The following ZNF366 variants were observed in gnomAD, a reference collection of about 807,000 sequenced individuals.
The protein encoded by ZNF366 is zinc finger protein 366.
Under a neutral mutation model 47.2 loss-of-function variants are expected in ZNF366, and 20 were observed. That is an observed-to-expected ratio of 0.42 (90% CI 0.30 to 0.62). The LOEUF is 0.62. Ranked by LOEUF, ZNF366 falls within the 20% of genes least tolerant of loss-of-function variation. The probability of loss-of-function intolerance (pLI) is 0.16; values close to 1 mark genes in which losing one functional copy is unlikely to be tolerated. For missense variants in ZNF366, 987 were observed against 976.3 expected (o/e 1.01, Z -0.15); for synonymous variants, 421 against 395.1 (o/e 1.07, Z -0.78).
Position 72,444,054 on chromosome 5 carries a change from T to A in ZNF366, c.1937A>T (p.Glu646Val), listed in dbSNP as rs759529151. 3 of 1,614,160 alleles carry A rather than the reference T, an allele frequency of 1.9e-6. No homozygotes were observed. The South Asian group carries it at 3.3e-5, about 18-fold the overall frequency. Residue 646 changes from glutamate to valine, a missense_variant, in exon 5 of 5, where the codon GAG becomes GTG. Glu to Val is a moderately radical substitution (Grantham distance 121, BLOSUM62 -2). Around this residue, in one of 3 missense-constraint regions of ZNF366, gnomAD observed 285 missense variants for 234.8 expected, o/e 1.21. Coordinates refer to ENST00000318442, the MANE Select transcript of ZNF366 (RefSeq NM_152625.3). ...APQSQQLCTPEDLSTKSEHAP... is the reference protein window; with the variant it reads ...APQSQQLCTPVDLSTKSEHAP... ...GTGCTCCGACTTGGTGGACAGATCC[T>A]CGGGTGTGCAGAGCTGCTGGCTCTG...
intron 1 of ZNF366, among the ~76,000 whole-genome samples, chr5:72,499,940 C>A (rs1744181436): frequency 6.6e-6 from 1 of 152,204 alleles, no homozygotes; most frequent in Admixed American, 6.5e-5. Context: ...TCGCTCTCTT[C>A]CGGCGCTGCT....
intron 1 of ZNF366, among the ~76,000 whole-genome samples, chr5:72,480,512 TTGATTC>T (rs1388657952): frequency 6.6e-6 from 1 of 152,158 alleles, no homozygotes; most frequent in East Asian, 1.9e-4. Flanking sequence ...GAGTAACAGG[TTGATTC>T]TGATTTATCA....
chr5:72,458,053 G>A (rs1227234988), intron 2 of ZNF366, among the ~76,000 whole-genome samples: 1 of 107,016 alleles, frequency 9.3e-6, no homozygotes, highest in Non-Finnish European at 1.7e-5. Context: ...ATCTCACTCT[G>A]TTGCCCAGGC....
intron 1 of ZNF366, among the ~76,000 whole-genome samples, chr5:72,469,830 G>T (rs1166052057): frequency 6.6e-6 from 1 of 152,176 alleles, no homozygotes; most frequent in Non-Finnish European, 1.5e-5. Context: ...AGGATTGCTT[G>T]AGGCCAGGAG....
chr5:72,472,551 A>T (rs1308122266), intron 1 of ZNF366: 3 of 985,310 alleles, frequency 3.0e-6, no homozygotes, highest in Non-Finnish European at 3.6e-6. Context: ...CCTTCAATTA[A>T]CTGCATTAAG....
intron 1 of ZNF366, among the ~76,000 whole-genome samples, chr5:72,471,575 C>A (rs1017215037): frequency 6.6e-6 from 1 of 152,118 alleles, no homozygotes; most frequent in Admixed American, 6.6e-5. Context: ...ATGGAGGGGC[C>A]GTTCCCATCA....
At chr5:72,488,947 T>C (rs555022386) in intron 1 of ZNF366, among the ~76,000 whole-genome samples, 1 of 152,366 alleles carries the variant, frequency 6.6e-6, no homozygotes, top group South Asian at 2.1e-4. Flanking sequence ...AGCTCTTCTT[T>C]TGGGCACATG....
At chr5:72,477,108 T>A (rs1743689613) in intron 1 of ZNF366, among the ~76,000 whole-genome samples, 1 of 152,228 alleles carries the variant, frequency 6.6e-6, no homozygotes, top group South Asian at 2.1e-4. Context: ...AGGTTGGTTT[T>A]CTTTACAATA....
At chr5:72,455,441 A>G (rs553755696) in intron 3 of ZNF366, among the ~76,000 whole-genome samples, 45 of 152,314 alleles carry the variant, frequency 3.0e-4, no homozygotes, top group Middle Eastern at 3.4e-3. Context: ...CATTTCAAAC[A>G]GAAGGGCTGT....
intron 1 of ZNF366, among the ~76,000 whole-genome samples, chr5:72,474,290 G>A (rs1037145301): frequency 4.6e-5 from 7 of 152,166 alleles, no homozygotes; most frequent in African/African-American, 7.2e-5. Flanking sequence ...GCTCCTGCAC[G>A]GAGCTGGGGC....
intron 1 of ZNF366, among the ~76,000 whole-genome samples, 161 bp from the exon 2 acceptor site, chr5:72,461,671 T>A (rs1287325721): frequency 6.6e-6 from 1 of 152,218 alleles, no homozygotes; most frequent in Non-Finnish European, 1.5e-5. Context: ...ATCGCTTTTC[T>A]TTCTCCTTGC....
At chr5:72,503,700 A>G (rs1013253654) in intron 1 of ZNF366, among the ~76,000 whole-genome samples, 7 of 152,234 alleles carry the variant, frequency 4.6e-5, no homozygotes, top group African/African-American at 7.2e-5. Context: ...CTGACTCCCA[A>G]TCTGGTCTTT....
chr5:72,482,787 T>C (rs917331905), intron 1 of ZNF366, among the ~76,000 whole-genome samples: 5 of 149,514 alleles, frequency 3.3e-5, no homozygotes, highest in African/African-American at 1.2e-4. Context: ...TGTGTGTGAT[T>C]TTAAATTCTG....
intron 1 of ZNF366, among the ~76,000 whole-genome samples, chr5:72,502,351 T>TTAA (rs1319010167): frequency 6.6e-6 from 1 of 152,238 alleles, no homozygotes; most frequent in Admixed American, 6.5e-5. Flanking sequence ...AAGAACAGCC[T>TTAA]TCATTAGGCT....
In ZNF366 at chr5:72,443,770, G is replaced by A. The variant is rs1387474402; in HGVS notation, c.2221C>T (p.Leu741Phe). Residue 741 changes from leucine (L) to phenylalanine (F), a missense_variant, in exon 5 of 5, where the codon CTT (leucine) becomes TTT (phenylalanine). Leu to Phe is a conservative substitution (Grantham distance 22). Coordinates refer to ENST00000318442, the MANE Select transcript of ZNF366 (RefSeq NM_152625.3). ...LERKMEKQAV[L>F]LGI ...AAACTGTCCACTTAGATACCTAAAA[G>A]CACTGCTTGTTTTTCCATTTTCCTC... 1.9e-6 allele frequency: 3 copies of A among 1,613,006 alleles called. No homozygotes were observed. Among genetic ancestry groups the A allele is most frequent in the South Asian group, 1.1e-5 (1 of 91,018 alleles).
intron 3 of ZNF366, among the ~76,000 whole-genome samples, chr5:72,448,071 TATACAATGTATTATTATA>T (rs1742993433): frequency 6.6e-6 from 1 of 152,228 alleles, no homozygotes; most frequent in Non-Finnish European, 1.5e-5. Context: ...TGTATTCTTA[TATACAATGTATTATTATA>T]ATACACTGTA....
At chr5:72,483,200 C>A (rs2112345452) in intron 1 of ZNF366, among the ~76,000 whole-genome samples, 1 of 152,284 alleles carries the variant, frequency 6.6e-6, no homozygotes, top group South Asian at 2.1e-4. Context: ...TTGTCCTGTG[C>A]TCTCCATTTA....
At chr5:72,484,495 A>AAAAAAAAAAAAAAAATAATAAT (rs1313925109) in intron 1 of ZNF366, among the ~76,000 whole-genome samples, 1 of 145,822 alleles carries the variant, frequency 6.9e-6, no homozygotes, top group African/African-American at 2.6e-5. Flanking sequence ...AAAAAAAAAA[A>AAAAAAAAAAAAAAAATAATAAT]AATAATAATA....
At chr5:72,445,958 G>A (rs528096350) in intron 4 of ZNF366, among the ~76,000 whole-genome samples, 19 of 152,268 alleles carry the variant, frequency 1.2e-4, no homozygotes, top group South Asian at 2.1e-4. Flanking sequence ...GAAACTCAGC[G>A]GGTACTGTAA....
Sources: gnomAD v4.1 joint callset for allele counts (sites outside exome capture counted in the v4.1 genomes callset) on GRCh38, gnomAD v4.1.1 for gene constraint, gnomAD v4.1.1 regional missense constraint, MANE v1.5 for transcripts, NCBI Gene and HGNC (gene_info 2026-07-23, HGNC 2026-07-21) for gene names.